Variants in ASCC3 observed in about 807,000 individuals in gnomAD.
ASCC3 encodes ASC-1 complex subunit P200.
Under a neutral mutation model 256.3 loss-of-function variants are expected in ASCC3, and 158 were observed. The ratio of observed to expected loss-of-function variants is 0.62; its 90% CI spans 0.54 to 0.70. The LOEUF is 0.70. Among genes scored for constraint, ASCC3 ranks in the 30% least tolerant of loss-of-function variants. ASCC3 has a pLI of 0.00. For missense variants in ASCC3, 2,259 were observed against 2,626.0 expected (o/e 0.86, Z 3.05); for synonymous variants, 948 against 883.4 (o/e 1.07, Z -1.30).
At chr6:100,748,497 A>T (rs1228203219) in intron 10 of ASCC3, among the ~76,000 whole-genome samples, 1 of 152,072 alleles carries the variant, frequency 6.6e-6, no homozygotes, top group Non-Finnish European at 1.5e-5. Flanking sequence ...AGCACTATCC[A>T]GTGAAAATGT....
At chr6:100,808,235 T>C (rs1770286420) in intron 4 of ASCC3, among the ~76,000 whole-genome samples, 2 of 151,730 alleles carry the variant, frequency 1.3e-5, no homozygotes, top group African/African-American at 4.8e-5. Flanking sequence ...ACTCACTCAA[T>C]CAATTATTTT....
chr6:100,643,051 A>G (rs772068840), intron 23 of ASCC3, among the ~76,000 whole-genome samples: 1 of 152,148 alleles, frequency 6.6e-6, no homozygotes, highest in Non-Finnish European at 1.5e-5. Flanking sequence ...TCAATTACAT[A>G]ACTTCATGAT....
At chr6:100,650,165 CA>C (rs200370591) in intron 20 of ASCC3, among the ~76,000 whole-genome samples, 8,496 of 151,666 alleles carry the variant, frequency 0.056, 335 homozygotes, top group Non-Finnish European at 0.085. Flanking sequence ...AAAAGTTCCA[CA>C]ATCTTTTCTT....
intron 10 of ASCC3, among the ~76,000 whole-genome samples, chr6:100,751,664 T>C (rs1336243): frequency 1 from 152,121 of 152,212 alleles, 76,015 homozygotes; most frequent in Non-Finnish European, 1. Flanking sequence ...AGGGAGCTGC[T>C]CAAGACCGCA....
At chr6:100,875,160 GA>G (rs1392913969) in intron 1 of ASCC3, among the ~76,000 whole-genome samples, 1 of 129,584 alleles carries the variant, frequency 7.7e-6, no homozygotes, top group African/African-American at 2.5e-5. Flanking sequence ...GAAAGACAGA[GA>G]GGATAGAATT....
At chr6:100,541,808 A>C (rs1775477256) in intron 36 of ASCC3, among the ~76,000 whole-genome samples, 1 of 152,238 alleles carries the variant, frequency 6.6e-6, no homozygotes, top group African/African-American at 2.4e-5. Flanking sequence ...AGATCTTAGA[A>C]TTAGCAGACA....
intron 8 of ASCC3, among the ~76,000 whole-genome samples, chr6:100,793,759 TTAAGTAACTTGCCTA>T (rs1769466430): frequency 3.0e-5 from 1 of 33,594 alleles, no homozygotes; most frequent in Admixed American, 3.5e-4. Flanking sequence ...TGCCTAAAGG[TTAAGTAACTTGCCTA>T]AAGTCTGGCA....
intron 4 of ASCC3, among the ~76,000 whole-genome samples, chr6:100,824,686 A>G (rs930435158): frequency 4.6e-5 from 7 of 151,698 alleles, no homozygotes; most frequent in African/African-American, 1.5e-4. Flanking sequence ...CATATTAAAT[A>G]AAATAAATTA....
chr6:100,565,549 C>A (rs966535192), intron 36 of ASCC3, among the ~76,000 whole-genome samples: 4 of 152,250 alleles, frequency 2.6e-5, no homozygotes, highest in Middle Eastern at 3.4e-3. Context: ...CATTAAAGAG[C>A]CTTACTGCTT....
At chr6:100,661,201 CAGTCAAACCTG>C (rs1776176283) in intron 16 of ASCC3, among the ~76,000 whole-genome samples, 1 of 151,502 alleles carries the variant, frequency 6.6e-6, no homozygotes, top group African/African-American at 2.4e-5. Flanking sequence ...GTCACAAAAA[CAGTCAAACCTG>C]ATTTTAATGT....
intron 4 of ASCC3, 141 bp downstream of exon 4, chr6:100,848,007 T>C (rs1399301567): frequency 1.3e-6 from 1 of 780,780 alleles, no homozygotes; most frequent in East Asian, 2.7e-5. Context: ...ACAGGCCTGC[T>C]ATGTGAAACC....
At chr6:100,570,970 T>C (rs1770556026) in intron 36 of ASCC3, among the ~76,000 whole-genome samples, 1 of 152,204 alleles carries the variant, frequency 6.6e-6, no homozygotes, top group East Asian at 1.9e-4. Flanking sequence ...ATGTGGACTT[T>C]CTGCAGCAGC....
At chr6:100,827,793 T>A (rs1771394657) in intron 4 of ASCC3, among the ~76,000 whole-genome samples, 1 of 152,016 alleles carries the variant, frequency 6.6e-6, no homozygotes. Flanking sequence ...TCACAGAAAA[T>A]TTTTTATTTT....
chr6:100,555,474 C>T (rs1769525737), intron 36 of ASCC3, among the ~76,000 whole-genome samples: 1 of 151,888 alleles, frequency 6.6e-6, no homozygotes, highest in Admixed American at 6.6e-5. Flanking sequence ...TTCATTTTTT[C>T]CAATATAAGA....
intron 10 of ASCC3, among the ~76,000 whole-genome samples, chr6:100,754,540 C>A (rs1781084331): frequency 6.6e-6 from 1 of 152,140 alleles, no homozygotes; most frequent in African/African-American, 2.4e-5. Flanking sequence ...ACCTGTTGTA[C>A]TACCAAATAG....
At chr6:100,669,334 T>G (rs1445374747) in intron 14 of ASCC3, among the ~76,000 whole-genome samples, 6 of 150,348 alleles carry the variant, frequency 4.0e-5, no homozygotes, top group Admixed American at 1.3e-4. Flanking sequence ...ACTATATATA[T>G]ATACACAGAC....
At chr6:100,663,935 G>A (rs961149653) in intron 14 of ASCC3, among the ~76,000 whole-genome samples, 1 of 152,004 alleles carries the variant, frequency 6.6e-6, no homozygotes, top group Non-Finnish European at 1.5e-5. Flanking sequence ...GATAAGGGGG[G>A]ACTACTGTAA....
intron 36 of ASCC3, among the ~76,000 whole-genome samples, chr6:100,575,671 T>C (rs1333745439): frequency 6.6e-6 from 1 of 152,094 alleles, no homozygotes; most frequent in Non-Finnish European, 1.5e-5. Flanking sequence ...AAATAAAATC[T>C]CATTTCATGT....
chr6:100,879,727 C>T (rs1375570914), intron 1 of ASCC3, among the ~76,000 whole-genome samples: 2 of 152,068 alleles, frequency 1.3e-5, no homozygotes, highest in East Asian at 1.9e-4. Flanking sequence ...TTTAAACAAG[C>T]TTTGAAAAAG....
Sources: gnomAD v4.1 joint callset for allele counts (sites outside exome capture counted in the v4.1 genomes callset) on GRCh38, gnomAD v4.1.1 for gene constraint, MANE v1.5 for transcripts, NCBI Gene and HGNC (gene_info 2026-07-23, HGNC 2026-07-21) for gene names.